Variants in ZNF536 observed in about 807,000 individuals in gnomAD.
ZNF536 encodes zinc finger protein 536.
A neutral mutation model predicts 84.5 loss-of-function variants in ZNF536; 13 were observed. The ratio of observed to expected loss-of-function variants is 0.15; its 90% confidence interval spans 0.10 to 0.24. ZNF536 has a LOEUF of 0.24. Ranked by LOEUF, ZNF536 falls within the 10% of genes least tolerant of loss-of-function variation. The pLI is 1.00. For synonymous variants in ZNF536, 811 were observed against 742.5 expected (o/e 1.09, Z -1.50); for missense variants, 1,536 against 1,747.5 (o/e 0.88, Z 2.16).
intron 2 of ZNF536, among the ~76,000 whole-genome samples, chr19:30,294,893 T>C (rs897584046): frequency 6.6e-5 from 10 of 152,168 alleles, no homozygotes; most frequent in African/African-American, 2.2e-4. Context: ...GAAGGAGTGC[T>C]GCTCTTGGAG....
Position 30,548,378 on chromosome 19 carries a change from C to G in ZNF536, c.2759C>G (p.Ala920Gly), listed in dbSNP as rs1214595325. ...NGVNFQGSLQ[A>G]FMDSFVLSSL... ...GTGAATTTCCAAGGGTCCTTGCAAG[C>G]TTTCATGGACAGTTTTGTCCTCAGT... Residue 920 changes from alanine (A) to glycine (G), a missense_variant, in exon 4 of 5, where the codon GCT (alanine) becomes GGT (glycine). This residue lies in a region of ZNF536 where 624 missense variants were observed against 603.1 expected (regional missense o/e 1.03). Transcript: ENST00000355537. 1 of 1,614,142 alleles carries G rather than the reference C, an allele frequency of 6.2e-7. No homozygotes were observed. Among genetic ancestry groups the G allele is most frequent in the East Asian group, 2.2e-5 (1 of 44,858 alleles).
intron 1 of ZNF536, among the ~76,000 whole-genome samples, chr19:30,640,407 C>T (rs1358493607): frequency 6.6e-6 from 1 of 152,086 alleles, no homozygotes; most frequent in Non-Finnish European, 1.5e-5. Context: ...TAACTAAAAC[C>T]AGATTTTCCT....
intron 2 of ZNF536, among the ~76,000 whole-genome samples, chr19:30,508,820 CTTTT>C (rs914349353): frequency 4.9e-4 from 34 of 68,780 alleles, no homozygotes; most frequent in East Asian, 8.0e-4. Context: ...TTCTTTCTTT[CTTTT>C]TTTTTTTTTT....
intron 1 of ZNF536, among the ~76,000 whole-genome samples, chr19:30,413,777 G>A (rs147982490): frequency 6.6e-6 from 1 of 152,054 alleles, no homozygotes; most frequent in Non-Finnish European, 1.5e-5. Context: ...TTGATAGACT[G>A]TATTCTTTCT....
intron 1 of ZNF536, among the ~76,000 whole-genome samples, chr19:30,622,004 G>A (rs991268165): frequency 6.6e-6 from 1 of 152,174 alleles, no homozygotes. Flanking sequence ...TAAGTTTCTG[G>A]CTTCTGCACT....
rs374666322 is a variant in ZNF536, at chr19:30,408,876, C to A, written c.-2-34685C>A. Among the ~76,000 whole-genome samples, 19 of 134,710 alleles carry A rather than the reference C, an allele frequency of 1.4e-4. 1 individual carries two copies. The highest frequency in any genetic ancestry group is 5.2e-4 in the African/African-American group (19 of 36,596). 88.4% of individuals were successfully genotyped at this position (134,710 alleles called of 152,430 possible). A position where few individuals can be genotyped will look rare whatever the true frequency, so the allele number is the denominator to read the frequency against. On this transcript the variant is annotated intron_variant, in intron 1 of 4. Transcript: ENST00000355537. ...CATCCTCCATCCATCGATCTTCTAT[C>A]CATCCTTCATCTATCATCATCCATC... is the stretch of plus-strand genomic sequence containing the variant.
At chr19:30,469,341 G>A (rs1314091168) in intron 2 of ZNF536, among the ~76,000 whole-genome samples, 3 of 152,102 alleles carry the variant, frequency 2.0e-5, no homozygotes, top group Non-Finnish European at 4.4e-5. Context: ...GAACCCAGAA[G>A]GCGGAGCTTG....
chr19:30,686,265 C>A (rs1272268629), intron 1 of ZNF536, among the ~76,000 whole-genome samples: 1 of 151,650 alleles, frequency 6.6e-6, no homozygotes, highest in Non-Finnish European at 1.5e-5. Flanking sequence ...ACCCCCAACA[C>A]ACACACACAC....
chr19:30,552,034 T>C (rs1031321154), intron 4 of ZNF536, among the ~76,000 whole-genome samples: 1 of 140,872 alleles, frequency 7.1e-6, no homozygotes, highest in African/African-American at 3.0e-5. Flanking sequence ...AAATGGGCTG[T>C]TTTTTTTTTC....
intron 1 of ZNF536, among the ~76,000 whole-genome samples, chr19:30,655,260 AGCC>A (rs2049866000): frequency 1.3e-5 from 2 of 152,226 alleles, no homozygotes; most frequent in South Asian, 4.1e-4. Context: ...GCATAGGGGT[AGCC>A]GGGTGACTGC....
At chr19:30,688,102 C>T (rs73031202) in intron 1 of ZNF536, among the ~76,000 whole-genome samples, 27,471 of 151,600 alleles carry the variant, frequency 0.18, 2,539 homozygotes, top group South Asian at 0.22. Flanking sequence ...CCAGAAAACA[C>T]GGAGATTAGA....
At chr19:30,362,323 G>A (rs556023423) in intron 3 of ZNF536, among the ~76,000 whole-genome samples, 2 of 152,128 alleles carry the variant, frequency 1.3e-5, no homozygotes, top group Admixed American at 6.5e-5. Context: ...GATGAGAGCC[G>A]CATCTCAACA....
At chr19:30,654,501 C>T (rs1162396199) in intron 1 of ZNF536, among the ~76,000 whole-genome samples, 1 of 151,868 alleles carries the variant, frequency 6.6e-6, no homozygotes, top group Non-Finnish European at 1.5e-5. Flanking sequence ...AGTCAACATT[C>T]GTGGTTCCTA....
Position 30,445,414 on chromosome 19 carries a change from T to G in ZNF536, c.1852T>G (p.Tyr618Asp), listed in dbSNP as rs769207359. 9.9e-5 allele frequency: 159 copies of G among 1,613,614 alleles called. No individual in the cohort carries two copies. Among genetic ancestry groups the G allele is most frequent in the Middle Eastern group, 6.6e-4 (4 of 6,084 alleles). ...LSHGLNQTLE[Y>D]NLQGPGNMKE... is the part of the protein sequence containing the mutation. ...ACACGGGCTGAACCAGACTCTCGAG[T>G]ATAACCTGCAGGGTCCTGGGAACAT... Residue 618 changes from tyrosine to aspartate, a missense_variant, in exon 2 of 5, where the codon TAT becomes GAT. Tyr to Asp is a radical substitution (Grantham distance 160, BLOSUM62 -3). This residue lies in a region of ZNF536 where 366 missense variants were observed against 364.4 expected (regional missense o/e 1.00). Transcript: ENST00000355537. The surrounding 1 kb of genome is among the most constrained non-coding windows in gnomAD (Gnocchi z 4.5).
intron 1 of ZNF536, among the ~76,000 whole-genome samples, chr19:30,442,767 C>A (rs375515605): frequency 1.6e-4 from 24 of 152,278 alleles, no homozygotes; most frequent in Middle Eastern, 3.4e-3. Flanking sequence ...TTTGCAAAGC[C>A]GCTACTCGCA....
At chr19:30,383,733 TTC>T (rs1568376716) in intron 1 of ZNF536, among the ~76,000 whole-genome samples, 2 of 21,188 alleles carry the variant, frequency 9.4e-5, no homozygotes, top group Non-Finnish European at 1.9e-4. Flanking sequence ...CTTTCTTTCT[TTC>T]TTTCTTTCTC....
intron 1 of ZNF536, among the ~76,000 whole-genome samples, chr19:30,642,482 T>C (rs1280066276): frequency 6.6e-6 from 1 of 152,082 alleles, no homozygotes; most frequent in Non-Finnish European, 1.5e-5. Flanking sequence ...GACCCGCAAG[T>C]TGAAGGAGGA....
At chr19:30,389,794 G>A in intron 1 of ZNF536, among the ~76,000 whole-genome samples, 1 of 152,214 alleles carries the variant, frequency 6.6e-6, no homozygotes, top group Non-Finnish European at 1.5e-5. Context: ...ATAGCAGAGA[G>A]CTGCTGTGGG....
intron 2 of ZNF536, among the ~76,000 whole-genome samples, chr19:30,318,960 A>T (rs2046769720): frequency 6.6e-6 from 1 of 152,224 alleles, no homozygotes. Context: ...CATTGGTTTT[A>T]ACAAATAAAC....
Sources: allele counts gnomAD v4.1 joint callset (sites outside exome capture counted in the v4.1 genomes callset), GRCh38; gene constraint gnomAD v4.1.1; regional missense constraint gnomAD v4.1.1; non-coding constraint Gnocchi (gnomAD v3.1); transcripts MANE v1.5; gene names NCBI Gene and HGNC (gene_info 2026-07-23, HGNC 2026-07-21).